The following IL1R1 variants were observed in gnomAD, a reference collection of about 807,000 sequenced individuals.
IL1R1 encodes the protein interleukin-1 receptor type 1.
Under a neutral mutation model 50.2 loss-of-function variants are expected in IL1R1, and 22 were observed. That is an observed-to-expected ratio of 0.44 (90% CI 0.31 to 0.63). The LOEUF (loss-of-function observed/expected upper bound fraction) is 0.63, where lower values mean the gene tolerates loss of function less well. IL1R1 is among the 20% of genes least tolerant of loss of function. The probability of loss-of-function intolerance (pLI) is 0.07; values close to 1 mark genes in which losing one functional copy is unlikely to be tolerated. For missense variants in IL1R1, 509 were observed against 676.2 expected (o/e 0.75, Z 2.74); for synonymous variants, 251 against 236.7 (o/e 1.06, Z -0.55).
chr2:102,160,001 A>G (rs1684570044), intron 3 of IL1R1, among the ~76,000 whole-genome samples: 1 of 152,144 alleles, frequency 6.6e-6, no homozygotes, highest in Admixed American at 6.5e-5. Flanking sequence ...ATTTTTTGCC[A>G]GTCTTTTTGT....
At chr2:102,135,631 A>G (rs1170968506) in intron 1 of IL1R1, among the ~76,000 whole-genome samples, 1 of 152,172 alleles carries the variant, frequency 6.6e-6, no homozygotes, top group African/African-American at 2.4e-5. Flanking sequence ...TGTGAAGAAG[A>G]TTCTTGCTCG....
In IL1R1 at chr2:102,176,540, G is replaced by A. The variant is rs527842705; in HGVS notation, c.1491G>A (p.Glu497=). The A allele has an allele frequency of 4.8e-5, 78 of 1,614,176 alleles. No individual in the cohort carries two copies. The African/African-American group carries it at 9.5e-4, about 20-fold the overall frequency. Reference sequence around the variant, plus strand: ...AGCTGGAGAAAATCCAAGACTATGAGAAAATGCCAGAATCGATTAAATTCA... The same window carrying A: ...AGCTGGAGAAAATCCAAGACTATGAAAAAATGCCAGAATCGATTAAATTCA... ...LLELEKIQDY[E]KMPESIKFIK... Residue 497 remains glutamate (E), a synonymous_variant, in exon 12 of 12, where the codon GAG becomes GAA. Transcript: ENST00000410023.
At chr2:102,154,651 T>G (rs1033258317) in intron 2 of IL1R1, among the ~76,000 whole-genome samples, 1 of 152,194 alleles carries the variant, frequency 6.6e-6, no homozygotes, top group African/African-American at 2.4e-5. Context: ...CATGAACCTC[T>G]GTGGTGGCCT....
At chr2:102,135,303 C>T (rs1310804542) in intron 1 of IL1R1, among the ~76,000 whole-genome samples, 1 of 152,122 alleles carries the variant, frequency 6.6e-6, no homozygotes, top group African/African-American at 2.4e-5. Flanking sequence ...TTCTTTGTAG[C>T]TGACTGCTTC....
In IL1R1 at chr2:102,095,870, GTA is replaced by G. The variant is rs1192841968; in HGVS notation, c.-84+25338_-84+25339del. On this transcript the variant is annotated intron_variant, in intron 1 of 11. Transcript: ENST00000409929. ...ATAGAAAAATTAGCTGGGTGTGGTG[GTA>G]CGTGCCTGTAATCCCAGCTACTCGG... is the stretch of plus-strand genomic sequence containing the variant. 1.2e-3 allele frequency among the ~76,000 whole-genome samples: 180 copies of G among 152,192 alleles called. 1 individual carries two copies. The highest frequency in any genetic ancestry group is 4.0e-3 in the African/African-American group (167 of 41,538).
At chr2:102,163,484 A>G (rs3917275) in intron 3 of IL1R1, among the ~76,000 whole-genome samples, 2,389 of 152,004 alleles carry the variant, frequency 0.016, 61 homozygotes, top group African/African-American at 0.055. Context: ...TTTTTCCTGC[A>G]GTATCAAATC....
At chr2:102,175,733 A>G (rs1686073777) in intron 11 of IL1R1, 88 bp downstream of exon 11, 6 of 1,214,194 alleles carry the variant, frequency 4.9e-6, no homozygotes, top group Non-Finnish European at 7.4e-6. Flanking sequence ...AGATCGTGGC[A>G]TAGGGGTATA....
chr2:102,166,143 C>T lies in IL1R1; in HGVS notation c.517C>T (p.His173Tyr). ...DCKPLLLDNI[H>Y]FSGVKDRLIV... ...CAAACCTCTACTTCTTGACAATATACACTTTAGTGGAGTCAAAGATAGGCT... is the reference window on the plus strand; with the variant it reads ...CAAACCTCTACTTCTTGACAATATATACTTTAGTGGAGTCAAAGATAGGCT... Residue 173 changes from histidine to tyrosine, a missense_variant, in exon 6 of 12, where the codon CAC becomes TAC. Coordinates refer to ENST00000410023, the MANE Select transcript of IL1R1 (RefSeq NM_000877.4). 1 of 1,613,588 alleles carries T rather than the reference C, an allele frequency of 6.2e-7. No homozygotes were observed. Among genetic ancestry groups the T allele is most frequent in the Non-Finnish European group, 8.5e-7 (1 of 1,179,706 alleles).
chr2:102,150,370 T>G (rs1264953084), intron 1 of IL1R1, among the ~76,000 whole-genome samples: 1 of 152,214 alleles, frequency 6.6e-6, no homozygotes, highest in Non-Finnish European at 1.5e-5. Flanking sequence ...GGGGGGCTTC[T>G]GTTGGGGGCC....
At chr2:102,073,488 T>C (rs1577780104) in intron 1 of IL1R1, among the ~76,000 whole-genome samples, 1 of 152,150 alleles carries the variant, frequency 6.6e-6, no homozygotes, top group Non-Finnish European at 1.5e-5. Context: ...GTTCCTTCCC[T>C]CCCTTCCCTC....
intron 1 of IL1R1, among the ~76,000 whole-genome samples, chr2:102,132,732 G>A (rs2104419316): frequency 6.6e-6 from 1 of 152,134 alleles, no homozygotes; most frequent in Admixed American, 6.5e-5. Context: ...AAAAAGAGAA[G>A]ACAGAACAAT....
At chr2:102,126,744 A>G (rs1681731746) in intron 1 of IL1R1, among the ~76,000 whole-genome samples, 2 of 152,172 alleles carry the variant, frequency 1.3e-5, no homozygotes, top group Non-Finnish European at 2.9e-5. Flanking sequence ...GTTATAGCTA[A>G]TTCCCAGGCA....
At chr2:102,114,602 A>G (rs1680963821) in intron 1 of IL1R1, among the ~76,000 whole-genome samples, 1 of 152,198 alleles carries the variant, frequency 6.6e-6, no homozygotes, top group South Asian at 2.1e-4. Context: ...CATTTTTGCT[A>G]TTGTGATAAT....
chr2:102,172,265 C>T lies in IL1R1; in HGVS notation c.839+347C>T, dbSNP rs879472491. ...ATGAGCTCAAGAATCAGGCAATCCA[C>T]TGCTCTCGAAAGCCTCTACTGGTTT... On this transcript the variant is annotated intron_variant, in intron 8 of 11. Transcript: ENST00000410023. 3.0e-6 allele frequency: 3 copies of T among 985,082 alleles called. No individual in the cohort carries two copies. The Admixed American group carries it at 1.8e-4, about 61-fold the overall frequency. 61.0% of individuals were successfully genotyped at this position (985,082 alleles called of 1,614,324 possible).
At chr2:102,071,172 A>G (rs1004678600) in intron 1 of IL1R1, among the ~76,000 whole-genome samples, 6 of 152,216 alleles carry the variant, frequency 3.9e-5, no homozygotes, top group Non-Finnish European at 8.8e-5. Context: ...TTATATATAT[A>G]AAGTAAGGGA....
At position 102,176,554 on chromosome 2, in the gene IL1R1, C is replaced by T; in HGVS notation, c.1505C>T (p.Ser502Leu). The part of the protein sequence containing the change: ...KIQDYEKMPE[S>L]IKFIKQKHGA... ...CAAGACTATGAGAAAATGCCAGAAT[C>T]GATTAAATTCATTAAGCAGAAACAT... is the stretch of plus-strand genomic sequence containing the variant. Residue 502 changes from serine to leucine, a missense_variant, in exon 12 of 12, where the codon TCG becomes TTG. Coordinates refer to ENST00000410023, the MANE Select transcript of IL1R1 (RefSeq NM_000877.4). 2 of 1,614,114 alleles carry T rather than the reference C, an allele frequency of 1.2e-6. No individual in the cohort carries two copies. The highest frequency in any genetic ancestry group is 2.2e-5 in the East Asian group (1 of 44,878).
chr2:102,120,247 G>C (rs1411729678), intron 1 of IL1R1, among the ~76,000 whole-genome samples: 1 of 152,160 alleles, frequency 6.6e-6, no homozygotes, highest in Non-Finnish European at 1.5e-5. Flanking sequence ...TCATGAACGT[G>C]TGTGTGGGTT....
intron 3 of IL1R1, among the ~76,000 whole-genome samples, chr2:102,161,940 G>A (rs1038289672): frequency 2.0e-5 from 3 of 152,024 alleles, no homozygotes; most frequent in South Asian, 2.1e-4. Flanking sequence ...GACCTCAGGT[G>A]ACTCACCCGC....
intron 1 of IL1R1, among the ~76,000 whole-genome samples, chr2:102,129,584 G>A (rs1370685722): frequency 6.6e-6 from 1 of 152,210 alleles, no homozygotes; most frequent in Non-Finnish European, 1.5e-5. Flanking sequence ...GATGACTTAG[G>A]ATGTAGGTCC....
Sources: allele counts gnomAD v4.1 joint callset (sites outside exome capture counted in the v4.1 genomes callset), GRCh38; gene constraint gnomAD v4.1.1; transcripts MANE v1.5; gene names NCBI Gene and HGNC (gene_info 2026-07-23, HGNC 2026-07-21).